The following LRP10 variants were observed in gnomAD, a reference collection of about 807,000 sequenced individuals.
The protein encoded by LRP10 is low-density lipoprotein receptor-related protein 10.
Under a neutral mutation model 58.5 loss-of-function variants are expected in LRP10, and 42 were observed. The ratio of observed to expected loss-of-function variants is 0.72; its 90% CI spans 0.56 to 0.93. The LOEUF is 0.93. Ranked by LOEUF, LRP10 falls within the 40% of genes least tolerant of loss-of-function variation. LRP10 has a pLI of 0.00. For synonymous variants in LRP10, 377 were observed against 388.5 expected (o/e 0.97, Z 0.35); for missense variants, 872 against 940.1 (o/e 0.93, Z 0.95).
Position 22,875,777 on chromosome 14 carries a change from G to A in LRP10, c.829G>A (p.Glu277Lys). ...HFSNGKAVTV[E>K]TLSGQAVVSY... ...CAGCAATGGCAAGGCTGTCACTGTG[G>A]AGACACTGTCTGGCCAGGCTGTTGT... Residue 277 changes from glutamate to lysine, a missense_variant, in exon 5 of 7, where the codon GAG becomes AAG. Transcript: ENST00000359591. 2 of 1,614,210 alleles carry A rather than the reference G, an allele frequency of 1.2e-6. No homozygotes were observed. The highest frequency in any genetic ancestry group is 2.7e-5 in the African/African-American group (2 of 75,076).
chr14:22,876,838 C>A lies in LRP10; in HGVS notation c.1554+20C>A, dbSNP rs765280436. On this transcript the variant is annotated intron_variant, in intron 6 of 6. Coordinates refer to ENST00000359591, the MANE Select transcript of LRP10 (RefSeq NM_014045.5). ...AATGATGTAAGTCACTCCCCACAAC[C>A]CTAGCACCTCCTGGTCCCAGTTCTG... The A allele has an allele frequency of 1.2e-6, 2 of 1,611,476 alleles. No homozygotes were observed. Among genetic ancestry groups the A allele is most frequent in the Non-Finnish European group, 1.7e-6 (2 of 1,178,340 alleles).
At position 22,877,174 on chromosome 14, in the gene LRP10, G is replaced by A. The variant is rs1356702133; in HGVS notation, c.1789G>A (p.Gly597Ser). 2 of 1,601,328 alleles carry A rather than the reference G, an allele frequency of 1.2e-6. No individual in the cohort carries two copies. Among genetic ancestry groups the A allele is most frequent in the Non-Finnish European group, 8.5e-7 (1 of 1,173,924 alleles). The change falls in exon 7 of 7, where the codon GGT (glycine) becomes AGT (serine). Residue 597 changes from glycine to serine, a missense_variant. Transcript: ENST00000359591. This position sits in a 1 kb window ranked among gnomAD's most constrained non-coding sequence, Gnocchi z 5.1. ...APLEALDGGT[G>S]PAREGGAVGG... ...CCTTGAGGCCCTAGATGGTGGCACAGGTCCAGCCCGTGAGGGCGGGGCAGT... is the reference window on the plus strand; with the variant it reads ...CCTTGAGGCCCTAGATGGTGGCACAAGTCCAGCCCGTGAGGGCGGGGCAGT...
Position 22,879,047 on chromosome 14 carries a change from A to G in LRP10, c.*1520A>G, listed in dbSNP as rs2040036297. ...CCTCAGGCTCTCCTTGTCTAGCCCC[A>G]CACCTGGCAGAGCCTGTCACCCAGC... On this transcript the variant is annotated 3_prime_UTR_variant, in exon 7 of 7. Transcript: ENST00000359591. 5.4e-6 allele frequency: 2 copies of G among 373,082 alleles called. No individual in the cohort carries two copies. Among genetic ancestry groups the G allele is most frequent in the Non-Finnish European group, 1.1e-5 (2 of 177,678 alleles). 23.1% of individuals were successfully genotyped at this position (373,082 alleles called of 1,614,324 possible). A position where few individuals can be genotyped will look rare whatever the true frequency, so the allele number is the denominator to read the frequency against.
Position 22,876,154 on chromosome 14 carries a change from C to T in LRP10, c.1206C>T (p.Gly402=), listed in dbSNP as rs777781406. ...GACGCTGTCGGCATTGCCAGCCTGG[C>T]AATTTCCGATGCCGGGACGAGAAGT... The part of the protein sequence containing the change: ...DERRCRHCQP[G]NFRCRDEKCV... Residue 402 remains glycine, a synonymous_variant, in exon 5 of 7, where the codon GGC becomes GGT. Coordinates refer to ENST00000359591, the MANE Select transcript of LRP10 (RefSeq NM_014045.5). 6.2e-7 allele frequency: 1 copy of T among 1,614,106 alleles called. No individual in the cohort carries two copies. Among genetic ancestry groups the T allele is most frequent in the African/African-American group, 1.3e-5 (1 of 74,942 alleles).
chr14:22,879,121 G>A lies in LRP10; in HGVS notation c.*1594G>A, dbSNP rs914480782. ...CATCACCCAGCCTAGCCCCACACCTGGTGGAGAGGCCCTGTTGATTACACC... is the reference window on the plus strand; with the variant it reads ...CATCACCCAGCCTAGCCCCACACCTAGTGGAGAGGCCCTGTTGATTACACC... On this transcript the variant is annotated 3_prime_UTR_variant, in exon 7 of 7. Coordinates refer to ENST00000359591, the MANE Select transcript of LRP10 (RefSeq NM_014045.5). 4.4e-6 allele frequency: 2 copies of A among 454,824 alleles called. No homozygotes were observed. The highest frequency in any genetic ancestry group is 8.9e-6 in the Non-Finnish European group (2 of 225,760). 28.2% of individuals were successfully genotyped at this position (454,824 alleles called of 1,614,324 possible).
rs2040033605 is a variant in LRP10, at chr14:22,878,817, G to C, written c.*1290G>C. The C allele has an allele frequency of 4.6e-6, 1 of 217,614 alleles. No individual in the cohort carries two copies. Among genetic ancestry groups the C allele is most frequent in the Non-Finnish European group, 9.8e-6 (1 of 101,732 alleles). The allele number at this position is 217,614 out of a possible 1,614,324, so 13.5% of individuals were successfully genotyped here. ...AGCACAAGCAGCGGCCAGAGCTGCA[G>C]CGCTGGGGTGGGTGATGGAGGGAAT... is the stretch of plus-strand genomic sequence containing the variant. On this transcript the variant is annotated 3_prime_UTR_variant, in exon 7 of 7. Coordinates refer to ENST00000359591, the MANE Select transcript of LRP10 (RefSeq NM_014045.5).
Position 22,872,135 on chromosome 14 carries a change from C to T in LRP10, c.-169C>T, listed in dbSNP as rs966157820. On this transcript the variant is annotated 5_prime_UTR_variant, in exon 1 of 7. Transcript: ENST00000359591. ...ACCGCCCCTACTCCCGGGCTGCCGC[C>T]GCCTCCCCGCCCCCAGCCCTGGCAT... 15 of 668,632 alleles carry T rather than the reference C, an allele frequency of 2.2e-5. No homozygotes were observed. The highest frequency in any genetic ancestry group is 1.8e-4 in the African/African-American group (10 of 54,470). The allele number at this position is 668,632 out of a possible 1,614,324, so 41.4% of individuals were successfully genotyped here.
At position 22,872,290 on chromosome 14, in the gene LRP10, C is replaced by T; in HGVS notation, c.-14C>T. The T allele has an allele frequency of 1.2e-6, 2 of 1,614,020 alleles. No individual in the cohort carries two copies. Among genetic ancestry groups the T allele is most frequent in the Non-Finnish European group, 1.7e-6 (2 of 1,179,916 alleles). On this transcript the variant is annotated 5_prime_UTR_variant, in exon 1 of 7. Coordinates refer to ENST00000359591, the MANE Select transcript of LRP10 (RefSeq NM_014045.5). The stretch of plus-strand genomic sequence containing the variant: ...AAGCTCCGGGACCCTTCCGGCACCT[C>T]TGGACAGCCCAGGATGCTGTTGGCC...
Position 22,877,997 on chromosome 14 carries a change from A to G in LRP10, c.*470A>G, listed in dbSNP as rs1228302339. On this transcript the variant is annotated 3_prime_UTR_variant, in exon 7 of 7. Transcript: ENST00000359591. The surrounding 1 kb of genome is among the most constrained non-coding windows in gnomAD (Gnocchi z 5.1). The stretch of plus-strand genomic sequence containing the variant: ...TCCCTCCTACAGGGCCTGGCTCACA[A>G]AAAGAGTGCAACAAATGCTTCTATT... 6.4e-6 allele frequency: 1 copy of G among 155,790 alleles called. No individual in the cohort carries two copies. Among genetic ancestry groups the G allele is most frequent in the African/African-American group, 2.4e-5 (1 of 41,608 alleles). The allele number at this position is 155,790 out of a possible 1,614,324, so 9.7% of individuals were successfully genotyped here.
At chr14:22,872,512 C>G (rs1328168760) in intron 1 of LRP10, among the ~76,000 whole-genome samples, 175 bp downstream of exon 1, 1 of 151,874 alleles carries the variant, frequency 6.6e-6, no homozygotes, top group Admixed American at 6.6e-5. Flanking sequence ...CCGCTGGGCC[C>G]TGGTCCTCTC....
chr14:22,876,345 T>A lies in LRP10; in HGVS notation c.1397T>A (p.Leu466His). Residue 466 changes from leucine (L) to histidine (H), a missense_variant, in exon 5 of 7, where the codon CTC becomes CAC. Physicochemically the swap from Leu to His is moderately conservative, Grantham distance 99. Coordinates refer to ENST00000359591, the MANE Select transcript of LRP10 (RefSeq NM_014045.5). Reference sequence around the variant, plus strand: ...ATCGCCCTGGGCTGCACCTGCAAGCTCTATGCCATTCGCACCCAGGAGTAC... The same window carrying A: ...ATCGCCCTGGGCTGCACCTGCAAGCACTATGCCATTCGCACCCAGGAGTAC... ...LVIALGCTCK[L>H]YAIRTQEYSI... The A allele has an allele frequency of 6.2e-7, 1 of 1,613,952 alleles. No homozygotes were observed.
chr14:22,878,846 T>A lies in LRP10; in HGVS notation c.*1319T>A, dbSNP rs1015091986. 4.3e-6 allele frequency: 1 copy of A among 230,782 alleles called. No homozygotes were observed. The highest frequency in any genetic ancestry group is 2.2e-5 in the African/African-American group (1 of 45,236). 14.3% of individuals were successfully genotyped at this position (230,782 alleles called of 1,614,324 possible). A position where few individuals can be genotyped will look rare whatever the true frequency, so the allele number is the denominator to read the frequency against. On this transcript the variant is annotated 3_prime_UTR_variant, in exon 7 of 7. Coordinates refer to ENST00000359591, the MANE Select transcript of LRP10 (RefSeq NM_014045.5). ...TGGGGTGGGTGATGGAGGGAATGAT[T>A]CGCAAGCAGTGTTGGAACCCAGCCC... is the stretch of plus-strand genomic sequence containing the variant.
chr14:22,871,810 G>A lies in LRP10; in HGVS notation c.-494G>A, dbSNP rs1003617341. The A allele has an allele frequency of 5.0e-5, 9 of 180,248 alleles. No individual in the cohort carries two copies. Among genetic ancestry groups the A allele is most frequent in the Non-Finnish European group, 1.1e-4 (9 of 84,452 alleles). The allele number at this position is 180,248 out of a possible 1,614,324, so 11.2% of individuals were successfully genotyped here. On this transcript the variant is annotated 5_prime_UTR_variant, in exon 1 of 7. Coordinates refer to ENST00000359591, the MANE Select transcript of LRP10 (RefSeq NM_014045.5). Reference sequence around the variant, plus strand: ...TGGGCAAGGGCCGGGGCGCCGGGCCGAGCCACCTCTTCCCCTCCCCCGCTT... The same window carrying A: ...TGGGCAAGGGCCGGGGCGCCGGGCCAAGCCACCTCTTCCCCTCCCCCGCTT...
chr14:22,876,093 A>G lies in LRP10; in HGVS notation c.1145A>G (p.Asn382Ser). Reference protein sequence around the residue: ...TACYLPADRCNYQTFCADGAD... With the variant: ...TACYLPADRCSYQTFCADGAD... ...TGCTACCTGCCTGCTGACCGCTGCAACTACCAGACTTTCTGTGCTGATGGA... is the reference window on the plus strand; with the variant it reads ...TGCTACCTGCCTGCTGACCGCTGCAGCTACCAGACTTTCTGTGCTGATGGA... Residue 382 changes from asparagine (N) to serine (S), a missense_variant, in exon 5 of 7, where the codon AAC becomes AGC. By Grantham distance (46) the Asn-to-Ser change is conservative. Coordinates refer to ENST00000359591, the MANE Select transcript of LRP10 (RefSeq NM_014045.5). The G allele has an allele frequency of 6.2e-7, 1 of 1,614,118 alleles. No homozygotes were observed. Among genetic ancestry groups the G allele is most frequent in the South Asian group, 1.1e-5 (1 of 91,090 alleles).
Position 22,877,753 on chromosome 14 carries a change from C to T in LRP10, c.*226C>T. On this transcript the variant is annotated 3_prime_UTR_variant, in exon 7 of 7. Coordinates refer to ENST00000359591, the MANE Select transcript of LRP10 (RefSeq NM_014045.5). The surrounding 1 kb of genome is among the most constrained non-coding windows in gnomAD (Gnocchi z 5.1). ...TCCTCTGTACGTGGCCATGGCCAGA[C>T]ACCCCAGTCCCTTCACCACCACCTG... 1.6e-5 allele frequency: 7 copies of T among 440,764 alleles called. No individual in the cohort carries two copies. The highest frequency in any genetic ancestry group is 3.5e-5 in the East Asian group (1 of 28,200). The allele number at this position is 440,764 out of a possible 1,614,324, so 27.3% of individuals were successfully genotyped here. A position where few individuals can be genotyped will look rare whatever the true frequency, so the allele number is the denominator to read the frequency against.
Position 22,876,144 on chromosome 14 carries a change from G to C in LRP10, c.1196G>C (p.Cys399Ser). The C allele has an allele frequency of 6.2e-7, 1 of 1,614,236 alleles. No individual in the cohort carries two copies. The highest frequency in any genetic ancestry group is 1.1e-5 in the South Asian group (1 of 91,086). ...DGADERRCRHCQPGNFRCRDE... is the reference protein window; with the variant it reads ...DGADERRCRHSQPGNFRCRDE... ...GCAGATGAGAGACGCTGTCGGCATT[G>C]CCAGCCTGGCAATTTCCGATGCCGG... Residue 399 changes from cysteine (C) to serine (S), a missense_variant, in exon 5 of 7, where the codon TGC becomes TCC. Cys to Ser is a moderately radical substitution (Grantham distance 112). Coordinates refer to ENST00000359591, the MANE Select transcript of LRP10 (RefSeq NM_014045.5).
Position 22,873,412 on chromosome 14 carries a change from A to C in LRP10, c.181A>C (p.Ile61Leu). The C allele has an allele frequency of 6.2e-7, 1 of 1,614,066 alleles. No individual in the cohort carries two copies. The highest frequency in any genetic ancestry group is 8.5e-7 in the Non-Finnish European group (1 of 1,179,998). The change falls in exon 3 of 7, where the codon ATC (isoleucine) becomes CTC (leucine). Residue 61 changes from isoleucine (I) to leucine (L), a missense_variant. Physicochemically the swap from Ile to Leu is conservative, Grantham distance 5. Transcript: ENST00000359591. ...CTCCCCTGCCAACTGCACCTGGCTC[A>C]TCCTGGGCAGCAAGGAACAGACTGT... Reference protein sequence around the residue: ...RTSPANCTWLILGSKEQTVTI... With the variant: ...RTSPANCTWLLLGSKEQTVTI...
rs1481217826 is a variant in LRP10 at position 22,876,833 on chromosome 14, AC to A, written c.1554+16del. On this transcript the variant is annotated intron_variant, in intron 6 of 6. Transcript: ENST00000359591. ...ATCCTAATGATGTAAGTCACTCCCC[AC>A]AACCCTAGCACCTCCTGGTCCCAGT... 1.2e-6 allele frequency: 2 copies of A among 1,612,546 alleles called. No individual in the cohort carries two copies. Among genetic ancestry groups the A allele is most frequent in the Non-Finnish European group, 8.5e-7 (1 of 1,179,128 alleles).
At position 22,877,367 on chromosome 14, in the gene LRP10, G is replaced by A. The variant is rs775260684; in HGVS notation, c.1982G>A (p.Arg661His). 83 of 1,613,458 alleles carry A rather than the reference G, an allele frequency of 5.1e-5. No homozygotes were observed. Among genetic ancestry groups the A allele is most frequent in the East Asian group, 2.5e-4 (11 of 44,882 alleles). ...GGAGTGGTGCAGGCCCTGCGAGGCC[G>A]CCTGTTGCCCAGCCTGGGGCCCCCA... ...LSGVVQALRG[R>H]LLPSLGPPGP... is the part of the protein sequence containing the mutation. Residue 661 changes from arginine to histidine, a missense_variant, in exon 7 of 7, where the codon CGC (arginine) becomes CAC (histidine). By Grantham distance (29) the Arg-to-His change is conservative. Coordinates refer to ENST00000359591, the MANE Select transcript of LRP10 (RefSeq NM_014045.5). This position sits in a 1 kb window ranked among gnomAD's most constrained non-coding sequence, Gnocchi z 5.1.
Sources: allele counts gnomAD v4.1 joint callset (sites outside exome capture counted in the v4.1 genomes callset), GRCh38; gene constraint gnomAD v4.1.1; non-coding constraint Gnocchi (gnomAD v3.1); transcripts MANE v1.5; gene names NCBI Gene and HGNC (gene_info 2026-07-23, HGNC 2026-07-21).